Variants in RPAP3 observed in about 807,000 individuals in gnomAD.
The protein encoded by RPAP3 is RNA polymerase II-associated protein 3.
In RPAP3, 58 loss-of-function variants were observed where a neutral mutation model predicts 88.8. The observed-to-expected ratio is 0.65, with a 90% confidence interval of 0.53 to 0.81. The LOEUF (loss-of-function observed/expected upper bound fraction) is 0.81, where lower values mean the gene tolerates loss of function less well. RPAP3 is among the 40% of genes least tolerant of loss of function. The pLI is 0.00. For missense variants in RPAP3, 751 were observed against 764.3 expected (o/e 0.98, Z 0.20); for synonymous variants, 255 against 259.9 (o/e 0.98, Z 0.18).
intron 1 of RPAP3, among the ~76,000 whole-genome samples, chr12:47,705,205 G>A (rs1435181016): frequency 6.6e-6 from 1 of 152,114 alleles, no homozygotes; most frequent in South Asian, 2.1e-4. Context: ...AAGTAAGGTG[G>A]GAGGGAGAGA....
At chr12:47,665,022 T>C (rs539980063) in intron 16 of RPAP3, among the ~76,000 whole-genome samples, 6 of 151,538 alleles carry the variant, frequency 4.0e-5, no homozygotes, top group African/African-American at 1.5e-4. Context: ...TGAAGATATG[T>C]AGGAAGATAT....
chr12:47,699,425 G>A (rs930076846), intron 3 of RPAP3: 5 of 151,362 alleles, frequency 3.3e-5, no homozygotes, highest in African/African-American at 7.3e-5. Context: ...TCTATTTTCA[G>A]AAAGTAGTTC....
In RPAP3 at chr12:47,679,674, G is replaced by A. The variant is rs1041468795; in HGVS notation, c.1185+30C>T. On this transcript the variant is annotated intron_variant, in intron 11 of 16. Transcript: ENST00000005386. ...AATATATTTATGTTTCAGAAAATAT[G>A]ACCATGTTTGGGTGAAAAGAATACA... 2.6e-6 allele frequency: 4 copies of A among 1,547,576 alleles called. No individual in the cohort carries two copies. In the African/African-American group the frequency reaches 5.5e-5, roughly 21 times the overall value.
At chr12:47,702,953 A>G (rs561091737) in intron 1 of RPAP3, 107 bp from the exon 2 acceptor site, 314 of 709,936 alleles carry the variant, frequency 4.4e-4, no homozygotes, top group Non-Finnish European at 6.2e-4. Flanking sequence ...GCCAAGATAC[A>G]TGGACAGAAG....
At chr12:47,685,283 G>A (rs898576391) in intron 9 of RPAP3, among the ~76,000 whole-genome samples, 2 of 151,882 alleles carry the variant, frequency 1.3e-5, no homozygotes, top group South Asian at 4.2e-4. Flanking sequence ...GGAGGTTGAG[G>A]CAGGAGAATT....
chr12:47,663,549 T>C lies in RPAP3; in HGVS notation c.1954A>G (p.Lys652Glu). 1.9e-6 allele frequency: 3 copies of C among 1,591,562 alleles called. No individual in the cohort carries two copies. Among genetic ancestry groups the C allele is most frequent in the African/African-American group, 2.7e-5 (2 of 74,022 alleles). Reference sequence around the variant, plus strand: ...TTGAGTTCTTCGACAGAACTATCCTTCAATCCTGACTTGTCTATGTGATTA... The same window carrying C: ...TTGAGTTCTTCGACAGAACTATCCTCCAATCCTGACTTGTCTATGTGATTA... The part of the protein sequence containing the change: ...LFNHIDKSGL[K>E]DSSVEELKKR... The change falls in exon 17 of 17, where the codon AAG (lysine) becomes GAG (glutamate). Residue 652 changes from lysine (K) to glutamate (E), a missense_variant. Coordinates refer to ENST00000005386, the MANE Select transcript of RPAP3 (RefSeq NM_024604.3).
chr12:47,665,418 A>T lies in RPAP3; in HGVS notation c.1912+1562T>A, dbSNP rs529496196. ...AGGCGTGAGCCACTGCACCCGCCTG[A>T]CAGTTTGGTATATTAAAAGCTATAT... On this transcript the variant is annotated intron_variant, in intron 16 of 16. Coordinates refer to ENST00000005386, the MANE Select transcript of RPAP3 (RefSeq NM_024604.3). 4.8e-4 allele frequency among the ~76,000 whole-genome samples: 72 copies of T among 151,408 alleles called. 4 individuals are homozygous for T. The highest frequency in any genetic ancestry group is 1.6e-3 in the African/African-American group (65 of 41,354).
chr12:47,705,472 T>C (rs1253562969), intron 1 of RPAP3, among the ~76,000 whole-genome samples: 1 of 152,164 alleles, frequency 6.6e-6, no homozygotes, highest in Non-Finnish European at 1.5e-5. Flanking sequence ...GGTTAGATGC[T>C]TTTCCATTTC....
At chr12:47,698,025 G>A (rs898261157) in intron 3 of RPAP3, among the ~76,000 whole-genome samples, 4 of 152,088 alleles carry the variant, frequency 2.6e-5, no homozygotes, top group Admixed American at 2.0e-4. Flanking sequence ...CTTAAAGGAA[G>A]TTTGCAAATA....
intron 2 of RPAP3, among the ~76,000 whole-genome samples, chr12:47,701,912 T>C (rs1300588847): frequency 6.6e-6 from 1 of 152,214 alleles, no homozygotes; most frequent in African/African-American, 2.4e-5. Flanking sequence ...CTTAGTACGA[T>C]GAACCAGCAG....
intron 3 of RPAP3, 116 bp downstream of exon 3, chr12:47,701,348 T>A: frequency 1.6e-6 from 1 of 628,302 alleles, no homozygotes; most frequent in Non-Finnish European, 2.5e-6. Context: ...AAATCATGAA[T>A]AAGAGAAAAA....
intron 12 of RPAP3, among the ~76,000 whole-genome samples, chr12:47,673,667 A>C (rs970234136): frequency 2.0e-5 from 3 of 152,234 alleles, no homozygotes; most frequent in South Asian, 4.1e-4. Flanking sequence ...TCGTCTATGC[A>C]TAACAGTTTA....
At chr12:47,670,025 A>T in intron 13 of RPAP3, 82 bp downstream of exon 13, 1 of 919,792 alleles carries the variant, frequency 1.1e-6, no homozygotes, top group East Asian at 2.4e-5. Context: ...GATGAGTACA[A>T]ATCAGAAGTC....
intron 13 of RPAP3, 53 bp from the exon 14 acceptor site, chr12:47,669,155 C>A: frequency 7.6e-7 from 1 of 1,311,724 alleles, no homozygotes; most frequent in Non-Finnish European, 1.1e-6. Context: ...AATCATAGCT[C>A]AATCAAGGAG....
intron 3 of RPAP3, among the ~76,000 whole-genome samples, chr12:47,699,094 A>T (rs1277211252): frequency 6.6e-6 from 1 of 152,194 alleles, no homozygotes; most frequent in African/African-American, 2.4e-5. Flanking sequence ...GCAGCAGAAC[A>T]CTAAAGCAGC....
intron 3 of RPAP3, chr12:47,700,195 T>C (rs1939630081): frequency 6.6e-6 from 1 of 152,056 alleles, no homozygotes; most frequent in Non-Finnish European, 1.5e-5. Context: ...GATGCACACT[T>C]AAGATTTTTG....
Position 47,701,564 on chromosome 12 carries a change from T to G in RPAP3, c.194A>C (p.Lys65Thr). 1 of 1,594,882 alleles carries G rather than the reference T, an allele frequency of 6.3e-7. No homozygotes were observed. Among genetic ancestry groups the G allele is most frequent in the Non-Finnish European group, 8.5e-7 (1 of 1,173,220 alleles). ...GGAAGACTCTTTAGCTTTGCCTTTC[T>G]TCTTTTTCCTAAAATTCCCATTTCG... ...PIRNGNFRKK[K>T]KGKAKESSKK... Residue 65 changes from lysine (K) to threonine (T), a missense_variant, in exon 3 of 17, where the codon AAG (lysine) becomes ACG (threonine). Transcript: ENST00000005386.
intron 1 of RPAP3, among the ~76,000 whole-genome samples, chr12:47,703,315 C>T (rs1245890366): frequency 6.6e-6 from 1 of 152,180 alleles, no homozygotes; most frequent in Non-Finnish European, 1.5e-5. Flanking sequence ...ATATGTTAAG[C>T]AGGGTTTCTC....
Position 47,690,646 on chromosome 12 carries a change from T to C in RPAP3, c.546-7A>G. 6.9e-7 allele frequency: 1 copy of C among 1,447,964 alleles called. No individual in the cohort carries two copies. Among genetic ancestry groups the C allele is most frequent in the Non-Finnish European group, 9.2e-7 (1 of 1,084,376 alleles). 89.7% of individuals were successfully genotyped at this position (1,447,964 alleles called of 1,614,324 possible). On this transcript the variant is annotated splice_polypyrimidine_tract_variant and splice_region_variant and intron_variant, in intron 5 of 16. Coordinates refer to ENST00000005386, the MANE Select transcript of RPAP3 (RefSeq NM_024604.3). ...AGACTCAGCAACAGCAAATCTGCAA[T>C]TTAAAAACATTAAAATAAATAAAGT...
Sources: allele counts gnomAD v4.1 joint callset (sites outside exome capture counted in the v4.1 genomes callset), GRCh38; gene constraint gnomAD v4.1.1; transcripts MANE v1.5; gene names NCBI Gene and HGNC (gene_info 2026-07-23, HGNC 2026-07-21).